The following SH3GL3 variants were observed in gnomAD, a reference collection of about 807,000 sequenced individuals.
SH3GL3 encodes the protein endophilin-A3.
Under a neutral mutation model 47.7 loss-of-function variants are expected in SH3GL3, and 33 were observed. The ratio of observed to expected loss-of-function variants is 0.69; its 90% CI spans 0.52 to 0.92. SH3GL3 has a LOEUF of 0.92. Among genes scored for constraint, SH3GL3 ranks in the 40% least tolerant of loss-of-function variants. SH3GL3 has a pLI of 0.00. For missense variants in SH3GL3, 363 were observed against 417.8 expected, an observed-to-expected ratio of 0.87 and a Z score of 1.14; for synonymous variants, 155 against 148.8, an observed-to-expected ratio of 1.04 and a Z score of -0.30.
At chr15:83,607,725 A>C (rs933622619) in intron 8 of SH3GL3, among the ~76,000 whole-genome samples, 18 of 152,114 alleles carry the variant, frequency 1.2e-4, no homozygotes, top group African/African-American at 4.3e-4. Flanking sequence ...GTAAAAAAGC[A>C]AGGAGCAGGC....
intron 1 of SH3GL3, among the ~76,000 whole-genome samples, chr15:83,556,480 A>G (rs2044965975): frequency 6.6e-6 from 1 of 152,242 alleles, no homozygotes. Flanking sequence ...GAAAGTAGAA[A>G]CACTACTCCT....
At chr15:83,456,590 C>T (rs977471160) in intron 1 of SH3GL3, among the ~76,000 whole-genome samples, 1 of 121,714 alleles carries the variant, frequency 8.2e-6, no homozygotes, top group Non-Finnish European at 1.7e-5. Flanking sequence ...GTCCGTCACC[C>T]CTTTCTTTGA....
At chr15:83,483,523 C>T (rs113205082) in intron 1 of SH3GL3, among the ~76,000 whole-genome samples, 43 of 152,284 alleles carry the variant, frequency 2.8e-4, no homozygotes, top group African/African-American at 5.1e-4. Flanking sequence ...ATCATGAGGA[C>T]GGCTTCCTGT....
intron 8 of SH3GL3, among the ~76,000 whole-genome samples, chr15:83,589,264 G>A (rs537623443): frequency 4.4e-4 from 67 of 152,098 alleles, no homozygotes; most frequent in Non-Finnish European, 8.7e-4. Context: ...CTACACCATC[G>A]CAGTTCGCTT....
At chr15:83,516,353 A>G (rs2042979383) in intron 1 of SH3GL3, among the ~76,000 whole-genome samples, 1 of 152,200 alleles carries the variant, frequency 6.6e-6, no homozygotes, top group African/African-American at 2.4e-5. Context: ...TAACGACTAT[A>G]GTATGTTTTG....
At chr15:83,602,968 T>A (rs946625418) in intron 8 of SH3GL3, among the ~76,000 whole-genome samples, 1 of 152,114 alleles carries the variant, frequency 6.6e-6, no homozygotes, top group Non-Finnish European at 1.5e-5. Context: ...GACACAGATG[T>A]CTTCAGGCTA....
chr15:83,501,999 T>C (rs2042317134), intron 1 of SH3GL3, among the ~76,000 whole-genome samples: 1 of 152,242 alleles, frequency 6.6e-6, no homozygotes, highest in Non-Finnish European at 1.5e-5. Context: ...TTATAAATAA[T>C]GTTAATTGCA....
intron 1 of SH3GL3, among the ~76,000 whole-genome samples, chr15:83,510,879 C>T (rs532310430): frequency 2.6e-5 from 4 of 151,450 alleles, no homozygotes; most frequent in East Asian, 2.0e-4. Flanking sequence ...GTATGGCATT[C>T]GGGCTTTCCC....
Position 83,447,436 on chromosome 15 carries a change from CG to C in SH3GL3, c.-92del. 4.7e-6 allele frequency: 5 copies of C among 1,072,812 alleles called. No homozygotes were observed. The highest frequency in any genetic ancestry group is 6.1e-6 in the Non-Finnish European group (5 of 820,606). The allele number at this position is 1,072,812 out of a possible 1,614,324, so 66.5% of individuals were successfully genotyped here. A position where few individuals can be genotyped will look rare whatever the true frequency, so the allele number is the denominator to read the frequency against. On this transcript the variant is annotated 5_prime_UTR_variant, in exon 1 of 9. Transcript: ENST00000427482. This position sits in a 1 kb window ranked among gnomAD's most constrained non-coding sequence, Gnocchi z 5.1. ...AGGCGGGCCCGGCGGAGCCCAGCCG[CG>C]GGGGGACCGGCCCGGGCTCCCGCTC...
chr15:83,553,587 A>G (rs1219991705), intron 1 of SH3GL3, among the ~76,000 whole-genome samples: 2 of 152,276 alleles, frequency 1.3e-5, no homozygotes, highest in Middle Eastern at 3.4e-3. Flanking sequence ...TATAACATGC[A>G]TAGTTCTATA....
At chr15:83,480,589 C>G (rs1482225833) in intron 1 of SH3GL3, among the ~76,000 whole-genome samples, 1 of 152,086 alleles carries the variant, frequency 6.6e-6, no homozygotes, top group Non-Finnish European at 1.5e-5. Context: ...TTCAGCCAGC[C>G]CTTAGTATCC....
chr15:83,579,460 G>A (rs1257919638), intron 6 of SH3GL3, among the ~76,000 whole-genome samples: 1 of 152,166 alleles, frequency 6.6e-6, no homozygotes, highest in Non-Finnish European at 1.5e-5. Context: ...TTATGAAACG[G>A]AGATGGGCCG....
chr15:83,589,542 A>C lies in SH3GL3; in HGVS notation c.838+771A>C, dbSNP rs368616590. Reference sequence around the variant, plus strand: ...CAGGTGTATGTGACCCTGCCAGGCAAATTTTTTTATTTTTTGTAGAGACAA... The same window carrying C: ...CAGGTGTATGTGACCCTGCCAGGCACATTTTTTTATTTTTTGTAGAGACAA... On this transcript the variant is annotated intron_variant, in intron 8 of 8. Coordinates refer to ENST00000427482, the MANE Select transcript of SH3GL3 (RefSeq NM_003027.5). 2.4e-3 allele frequency among the ~76,000 whole-genome samples: 356 copies of C among 151,440 alleles called. 4 individuals are homozygous for C. In the South Asian group the frequency reaches 0.033, roughly 14 times the overall value.
At chr15:83,622,623 G>T (rs2060918098), downstream of SH3GL3, among the ~76,000 whole-genome samples, 1 of 152,250 alleles carries the variant, frequency 6.6e-6, no homozygotes, top group African/African-American at 2.4e-5. Context: ...ATCATGACCT[G>T]GCAGTGAGTT....
At chr15:83,562,077 A>ACG (rs1290646218) in intron 2 of SH3GL3, among the ~76,000 whole-genome samples, 1 of 123,952 alleles carries the variant, frequency 8.1e-6, no homozygotes, top group Non-Finnish European at 1.9e-5. Context: ...ACACACACAC[A>ACG]CACACTATAG....
At chr15:83,484,614 T>C (rs1757210440) in intron 1 of SH3GL3, among the ~76,000 whole-genome samples, 1 of 152,186 alleles carries the variant, frequency 6.6e-6, no homozygotes, top group Non-Finnish European at 1.5e-5. Context: ...TCTTTTCTTC[T>C]ATTTCCTGAG....
intron 1 of SH3GL3, among the ~76,000 whole-genome samples, chr15:83,528,781 A>AT (rs1199134764): frequency 6.6e-6 from 1 of 151,110 alleles, no homozygotes; most frequent in Non-Finnish European, 1.5e-5. Context: ...CATTATTTTG[A>AT]TTTTTTTCTG....
At chr15:83,465,190 A>G (rs1234531514) in intron 1 of SH3GL3, among the ~76,000 whole-genome samples, 3 of 151,784 alleles carry the variant, frequency 2.0e-5, no homozygotes, top group East Asian at 2.0e-4. Context: ...TGTGTCTGTA[A>G]TCTCAGCTAC....
intron 8 of SH3GL3, among the ~76,000 whole-genome samples, chr15:83,592,788 T>G (rs1480969500): frequency 6.6e-6 from 1 of 152,236 alleles, no homozygotes; most frequent in Non-Finnish European, 1.5e-5. Context: ...AAATCCTTTT[T>G]AATCTCCATC....
Sources: gnomAD v4.1 joint callset for allele counts (sites outside exome capture counted in the v4.1 genomes callset) on GRCh38, gnomAD v4.1.1 for gene constraint, Gnocchi (gnomAD v3.1) non-coding constraint, MANE v1.5 for transcripts, NCBI Gene and HGNC (gene_info 2026-07-23, HGNC 2026-07-21) for gene names.